ACTN4: variants seen among roughly 807,000 people sequenced by gnomAD.
The protein encoded by ACTN4 is alpha-actinin-4.
A neutral mutation model predicts 114.2 loss-of-function variants in ACTN4; 18 were observed. That is an observed-to-expected ratio of 0.16 (90% CI 0.11 to 0.23). ACTN4 has a LOEUF of 0.23. ACTN4 is among the 10% of genes least tolerant of loss of function. The pLI is 1.00. For synonymous variants in ACTN4, 515 were observed against 506.3 expected (o/e 1.02, Z -0.23); for missense variants, 722 against 1,262.9 (o/e 0.57, Z 6.49).
intron 1 of ACTN4, among the ~76,000 whole-genome samples, chr19:38,649,796 G>T (rs565971048): frequency 6.6e-6 from 1 of 152,278 alleles, no homozygotes; most frequent in South Asian, 2.1e-4. Flanking sequence ...TGGGAAGGGT[G>T]GAAGGAGCAG....
chr19:38,713,521 G>C (rs924808282), intron 8 of ACTN4, among the ~76,000 whole-genome samples: 3 of 152,310 alleles, frequency 2.0e-5, no homozygotes, highest in African/African-American at 7.2e-5. Context: ...GGGGCCCTGG[G>C]TGTGTGTCCC....
At chr19:38,664,279 G>T (rs947693745) in intron 1 of ACTN4, among the ~76,000 whole-genome samples, 2 of 151,910 alleles carry the variant, frequency 1.3e-5, no homozygotes, top group African/African-American at 4.8e-5. Flanking sequence ...ATACTCCAGT[G>T]TTGTGTTTTT....
chr19:38,656,612 C>A (rs1183120438), intron 1 of ACTN4, among the ~76,000 whole-genome samples: 1 of 152,202 alleles, frequency 6.6e-6, no homozygotes, highest in East Asian at 1.9e-4. Flanking sequence ...TTGGAAGCGG[C>A]AGTTACTACC....
Position 38,727,263 on chromosome 19 carries a change from G to A in ACTN4, c.2337+160G>A, listed in dbSNP as rs1599862292. 6.6e-6 allele frequency among the ~76,000 whole-genome samples: 1 copy of A among 152,144 alleles called. No homozygotes were observed. Among genetic ancestry groups the A allele is most frequent in the Non-Finnish European group, 1.5e-5 (1 of 68,002 alleles). On this transcript the variant is annotated intron_variant, in intron 18 of 20. Transcript: ENST00000252699. The surrounding 1 kb of genome is among the most constrained non-coding windows in gnomAD (Gnocchi z 5.4). ...GCCCTGCCACTGTCAGGGTGTAGGT[G>A]TGCGGCACCAAGACCCCAGCCTGGG...
intron 6 of ACTN4, 72 bp from the exon 7 acceptor site, chr19:38,709,322 CA>C (rs1385728790): frequency 4.2e-6 from 5 of 1,187,034 alleles, no homozygotes; most frequent in Middle Eastern, 3.7e-4. Context: ...CCCTCTGGGC[CA>C]GCCCTGCCTC....
At chr19:38,689,339 C>A (rs940637860) in intron 1 of ACTN4, among the ~76,000 whole-genome samples, 1 of 152,126 alleles carries the variant, frequency 6.6e-6, no homozygotes, top group Non-Finnish European at 1.5e-5. Context: ...CATATGGTTC[C>A]ACTTATATGA....
intron 1 of ACTN4, among the ~76,000 whole-genome samples, chr19:38,683,135 C>A (rs1858192436): frequency 6.6e-6 from 1 of 152,290 alleles, no homozygotes; most frequent in East Asian, 1.9e-4. Flanking sequence ...GAGTCTCCCC[C>A]TTGTTGGGGG....
intron 1 of ACTN4, among the ~76,000 whole-genome samples, chr19:38,696,830 C>T (rs547628051): frequency 3.3e-5 from 5 of 152,302 alleles, no homozygotes; most frequent in South Asian, 4.2e-4. Context: ...CCAGGCCAGG[C>T]GAGTGGGCAT....
At position 38,724,094 on chromosome 19, in the gene ACTN4, C is replaced by A. The variant is rs1969144289; in HGVS notation, c.1692+17C>A. 1 of 1,613,520 alleles carries A rather than the reference C, an allele frequency of 6.2e-7. No homozygotes were observed. Among genetic ancestry groups the A allele is most frequent in the South Asian group, 1.1e-5 (1 of 91,088 alleles). ...GAGATTGAGGTTCGCACCCCCCGGCCCCCCATCTTCCCAAGAGCCTCTGTG... is the reference window on the plus strand; with the variant it reads ...GAGATTGAGGTTCGCACCCCCCGGCACCCCATCTTCCCAAGAGCCTCTGTG... On this transcript the variant is annotated intron_variant, in intron 14 of 20. Coordinates refer to ENST00000252699, the MANE Select transcript of ACTN4 (RefSeq NM_004924.6). This position sits in a 1 kb window ranked among gnomAD's most constrained non-coding sequence, Gnocchi z 7.0.
chr19:38,712,608 T>C (rs563091871), intron 8 of ACTN4, among the ~76,000 whole-genome samples: 269 of 151,622 alleles, frequency 1.8e-3, no homozygotes, highest in Non-Finnish European at 3.1e-3. Flanking sequence ...GTGTTTGGAG[T>C]GTTCTGCTAG....
chr19:38,678,649 C>G (rs1257180094), intron 1 of ACTN4, among the ~76,000 whole-genome samples: 1 of 152,180 alleles, frequency 6.6e-6, no homozygotes, highest in Non-Finnish European at 1.5e-5. Context: ...CCATGGGACC[C>G]AGGGCGACAC....
At chr19:38,686,495 T>C (rs1232724213) in intron 1 of ACTN4, among the ~76,000 whole-genome samples, 1 of 149,096 alleles carries the variant, frequency 6.7e-6, no homozygotes, top group Admixed American at 6.9e-5. Context: ...CATAGCAAAA[T>C]GCTAGATGGG....
intron 1 of ACTN4, 61 bp downstream of exon 1, chr19:38,647,968 T>A: frequency 1.7e-6 from 2 of 1,171,326 alleles, no homozygotes; most frequent in Non-Finnish European, 1.1e-6. Context: ...CGGGGAGGGG[T>A]GGGAGGTCCT....
chr19:38,710,297 G>T lies in ACTN4; in HGVS notation c.774G>T (p.Met258Ile). ...CCCGGCCCGACGAGAAGGCCATAAT[G>T]ACCTATGTGTCCAGCTTCTACCATG... is the stretch of plus-strand genomic sequence containing the variant. Reference protein sequence around the residue: ...NTARPDEKAIMTYVSSFYHAF... With the variant: ...NTARPDEKAIITYVSSFYHAF... The change falls in exon 8 of 21, where the codon ATG (methionine) becomes ATT (isoleucine). Residue 258 changes from methionine to isoleucine, a missense_variant. By Grantham distance (10) the Met-to-Ile change is conservative. Around this residue, in one of 3 missense-constraint regions of ACTN4, gnomAD observed 127 missense variants for 311.3 expected, o/e 0.41. Transcript: ENST00000252699. 6.2e-7 allele frequency: 1 copy of T among 1,614,064 alleles called. No homozygotes were observed. Among genetic ancestry groups the T allele is most frequent in the Non-Finnish European group, 8.5e-7 (1 of 1,180,004 alleles).
chr19:38,714,471 T>C lies in ACTN4; in HGVS notation c.822T>C (p.Ala274=). 1.9e-6 allele frequency: 3 copies of C among 1,613,614 alleles called. No individual in the cohort carries two copies. The Admixed American group carries it at 5.0e-5, about 27-fold the overall frequency. Residue 274 remains alanine, a splice_region_variant and synonymous_variant, in exon 9 of 21, where the codon GCT becomes GCC. Coordinates refer to ENST00000252699, the MANE Select transcript of ACTN4 (RefSeq NM_004924.6). Reference sequence around the variant, plus strand: ...CCTGACTGTGTGCTCCCCTCCAGGCTGAAACTGCCGCCAACCGGATCTGTA... The same window carrying C: ...CCTGACTGTGTGCTCCCCTCCAGGCCGAAACTGCCGCCAACCGGATCTGTA... ...FYHAFSGAQK[A]ETAANRICKV...
Position 38,664,651 on chromosome 19 carries a change from C to G in ACTN4, c.162+16744C>G, listed in dbSNP as rs115442832. Among the ~76,000 whole-genome samples the G allele has an allele frequency of 7.1e-4, 108 of 152,254 alleles. 1 individual carries two copies. The highest frequency in any genetic ancestry group is 2.5e-3 in the African/African-American group (103 of 41,560). On this transcript the variant is annotated intron_variant, in intron 1 of 20. Coordinates refer to ENST00000252699, the MANE Select transcript of ACTN4 (RefSeq NM_004924.6). ...TGTTGCTGGATTGAGCCCGTCCCTG[C>G]AGCCTGGGCACGGGAGCACTGCAGT... is the stretch of plus-strand genomic sequence containing the variant.
At chr19:38,705,986 G>C in intron 4 of ACTN4, 58 bp from the exon 5 acceptor site, 1 of 1,585,508 alleles carries the variant, frequency 6.3e-7, no homozygotes, top group Non-Finnish European at 8.7e-7. Context: ...TCCAACTTGG[G>C]CTGAGTTCTG....
At chr19:38,664,145 T>C (rs1459897971) in intron 1 of ACTN4, among the ~76,000 whole-genome samples, 1 of 152,146 alleles carries the variant, frequency 6.6e-6, no homozygotes, top group African/African-American at 2.4e-5. Flanking sequence ...GCAACGCGGG[T>C]GGCCTAGGAG....
At chr19:38,665,889 A>G (rs1266021598) in intron 1 of ACTN4, among the ~76,000 whole-genome samples, 3 of 152,118 alleles carry the variant, frequency 2.0e-5, no homozygotes, top group Admixed American at 2.0e-4. Flanking sequence ...GCAAAGTCCA[A>G]CTCAAGTTAG....
Sources: allele counts gnomAD v4.1 joint callset (sites outside exome capture counted in the v4.1 genomes callset), GRCh38; gene constraint gnomAD v4.1.1; regional missense constraint gnomAD v4.1.1; non-coding constraint Gnocchi (gnomAD v3.1); transcripts MANE v1.5; gene names NCBI Gene and HGNC (gene_info 2026-07-23, HGNC 2026-07-21).